The following PPP2R2A variants were observed in gnomAD, a reference collection of about 807,000 sequenced individuals.
PPP2R2A encodes the protein protein phosphatase 2 regulatory subunit Balpha.
A neutral mutation model predicts 53.2 loss-of-function variants in PPP2R2A; 9 were observed. The ratio of observed to expected loss-of-function variants is 0.17; its 90% CI spans 0.10 to 0.30. The LOEUF is 0.30. PPP2R2A is among the 10% of genes least tolerant of loss of function. The probability of loss-of-function intolerance (pLI) is 1.00; values close to 1 mark genes in which losing one functional copy is unlikely to be tolerated. For missense variants in PPP2R2A, 235 were observed against 534.6 expected (o/e 0.44, Z 5.53); for synonymous variants, 169 against 174.2 (o/e 0.97, Z 0.23).
intron 2 of PPP2R2A, among the ~76,000 whole-genome samples, chr8:26,307,746 A>G (rs1183706275): frequency 6.6e-6 from 1 of 152,208 alleles, no homozygotes; most frequent in Non-Finnish European, 1.5e-5. Context: ...TAAGTGCTTT[A>G]TATGCATTAT....
intron 3 of PPP2R2A, among the ~76,000 whole-genome samples, chr8:26,344,967 A>T (rs1262753736): frequency 6.6e-6 from 1 of 152,202 alleles, no homozygotes; most frequent in Non-Finnish European, 1.5e-5. Flanking sequence ...ACACAAATTA[A>T]ATTGTTTCAT....
intron 2 of PPP2R2A, among the ~76,000 whole-genome samples, chr8:26,315,681 C>G (rs576730694): frequency 1.3e-5 from 2 of 152,248 alleles, no homozygotes; most frequent in Admixed American, 6.5e-5. Context: ...CTTGACAACC[C>G]CTTTTGCATG....
intron 2 of PPP2R2A, among the ~76,000 whole-genome samples, chr8:26,330,412 GATCCTCCCATGTTCAAGCA>G (rs1400072140): frequency 6.6e-6 from 1 of 150,560 alleles, no homozygotes; most frequent in Admixed American, 6.7e-5. Flanking sequence ...GGGTTCAAGC[GATCCTCCCATGTTCAAGCA>G]ATCCTCCCAC....
intron 2 of PPP2R2A, among the ~76,000 whole-genome samples, chr8:26,335,123 C>T (rs1483572462): frequency 6.6e-6 from 1 of 152,224 alleles, no homozygotes; most frequent in Non-Finnish European, 1.5e-5. Context: ...TGCCGGTATG[C>T]AGTGGCACAT....
chr8:26,314,214 T>C (rs1802428362), intron 2 of PPP2R2A, among the ~76,000 whole-genome samples: 1 of 152,202 alleles, frequency 6.6e-6, no homozygotes, highest in South Asian at 2.1e-4. Flanking sequence ...CACTAAATCA[T>C]CTTCAAATCC....
At chr8:26,324,256 C>T (rs973420900) in intron 2 of PPP2R2A, among the ~76,000 whole-genome samples, 1 of 152,206 alleles carries the variant, frequency 6.6e-6, no homozygotes, top group Non-Finnish European at 1.5e-5. Flanking sequence ...TTCCCCACTC[C>T]ATGACTTTTT....
At chr8:26,329,028 A>T (rs977648149) in intron 2 of PPP2R2A, among the ~76,000 whole-genome samples, 2 of 152,144 alleles carry the variant, frequency 1.3e-5, no homozygotes, top group Non-Finnish European at 2.9e-5. Flanking sequence ...TGGTTAGTTT[A>T]TAGTGATAAT....
intron 1 of PPP2R2A, chr8:26,292,319 A>G (rs780052902): frequency 3.7e-5 from 37 of 987,412 alleles, no homozygotes; most frequent in Non-Finnish European, 4.2e-5. Context: ...GTGGGGGCAT[A>G]TGTGTATTTT....
Position 26,360,126 on chromosome 8 carries a change from T to G in PPP2R2A, c.347-43T>G. ...TATTTTAAATGCCTTAAAATGTTTT[T>G]CTTCTTCAGTATTTTAAGGACTTTT... On this transcript the variant is annotated intron_variant, in intron 4 of 9. Transcript: ENST00000380737. This position sits in a 1 kb window ranked among gnomAD's most constrained non-coding sequence, Gnocchi z 4.5. 1.8e-6 allele frequency: 2 copies of G among 1,118,662 alleles called. No individual in the cohort carries two copies. The highest frequency in any genetic ancestry group is 2.6e-6 in the Non-Finnish European group (2 of 757,514). The allele number at this position is 1,118,662 out of a possible 1,614,324, so 69.3% of individuals were successfully genotyped here. A position where few individuals can be genotyped will look rare whatever the true frequency, so the allele number is the denominator to read the frequency against.
intron 2 of PPP2R2A, among the ~76,000 whole-genome samples, chr8:26,318,565 A>T (rs376393973): frequency 6.6e-6 from 1 of 152,206 alleles, no homozygotes; most frequent in African/African-American, 2.4e-5. Flanking sequence ...TCTTCTGCCT[A>T]CTTTTGTATA....
intron 2 of PPP2R2A, among the ~76,000 whole-genome samples, chr8:26,306,322 A>G (rs1802018836): frequency 6.6e-6 from 1 of 151,970 alleles, no homozygotes; most frequent in African/African-American, 2.4e-5. Context: ...CTAAAAGTAC[A>G]AAAATTAGCT....
intron 2 of PPP2R2A, among the ~76,000 whole-genome samples, chr8:26,301,437 A>G (rs1459096061): frequency 2.0e-5 from 3 of 150,516 alleles, no homozygotes; most frequent in Non-Finnish European, 3.0e-5. Context: ...GGCTCAAGCG[A>G]TCCTCCTGCC....
chr8:26,298,297 C>G (rs1801632316), intron 2 of PPP2R2A, among the ~76,000 whole-genome samples: 1 of 152,232 alleles, frequency 6.6e-6, no homozygotes, highest in Non-Finnish European at 1.5e-5. Context: ...CCTCCCCACT[C>G]CTTAATCCCT....
intron 3 of PPP2R2A, among the ~76,000 whole-genome samples, chr8:26,342,861 A>ATTATATATGGC (rs1585382869): frequency 6.6e-6 from 1 of 152,172 alleles, no homozygotes; most frequent in East Asian, 1.9e-4. Context: ...ACCTTTCTAA[A>ATTATATATGGC]TTATATATGG....
At chr8:26,299,284 A>G (rs1801679343) in intron 2 of PPP2R2A, among the ~76,000 whole-genome samples, 1 of 152,124 alleles carries the variant, frequency 6.6e-6, no homozygotes, top group African/African-American at 2.4e-5. Context: ...GGAACAACTT[A>G]ACCATTCAAG....
At chr8:26,344,134 C>G (rs1458498556) in intron 3 of PPP2R2A, among the ~76,000 whole-genome samples, 1 of 152,238 alleles carries the variant, frequency 6.6e-6, no homozygotes, top group African/African-American at 2.4e-5. Context: ...TTTGCCCACT[C>G]TAACCTGGAT....
chr8:26,364,983 T>G (rs1000907081), intron 8 of PPP2R2A: 1 of 152,180 alleles, frequency 6.6e-6, no homozygotes, highest in Non-Finnish European at 1.5e-5. Flanking sequence ...GACTTCTATT[T>G]GTGTAACTGC....
intron 2 of PPP2R2A, among the ~76,000 whole-genome samples, chr8:26,296,220 C>A (rs1801535832): frequency 6.6e-6 from 1 of 152,222 alleles, no homozygotes; most frequent in African/African-American, 2.4e-5. Flanking sequence ...CCAGTTTTGT[C>A]ATTTTCCTCA....
intron 2 of PPP2R2A, among the ~76,000 whole-genome samples, chr8:26,308,481 C>G (rs1422446921): frequency 6.6e-6 from 1 of 151,346 alleles, no homozygotes; most frequent in Admixed American, 6.6e-5. Flanking sequence ...CAACAATGTT[C>G]ACAGTGTCAT....
Sources: gnomAD v4.1 joint callset for allele counts (sites outside exome capture counted in the v4.1 genomes callset) on GRCh38, gnomAD v4.1.1 for gene constraint, Gnocchi (gnomAD v3.1) non-coding constraint, MANE v1.5 for transcripts, NCBI Gene and HGNC (gene_info 2026-07-23, HGNC 2026-07-21) for gene names.